The following ZYG11B variants were observed in gnomAD, a reference collection of about 807,000 sequenced individuals.
The protein encoded by ZYG11B is zyg-11 family member B, cell cycle regulator.
Under a neutral mutation model 82.4 loss-of-function variants are expected in ZYG11B, and 36 were observed. The observed-to-expected ratio is 0.44, with a 90% CI of 0.33 to 0.58. The LOEUF is 0.58. Ranked by LOEUF, ZYG11B falls within the 20% of genes least tolerant of loss-of-function variation. The pLI is 0.02. For missense variants in ZYG11B, 552 were observed against 895.6 expected (o/e 0.62, Z 4.90); for synonymous variants, 303 against 312.8 (o/e 0.97, Z 0.33).
intron 13 of ZYG11B, among the ~76,000 whole-genome samples, chr1:52,818,995 T>C (rs1350716941): frequency 1.3e-5 from 2 of 152,018 alleles, no homozygotes; most frequent in Non-Finnish European, 2.9e-5. Flanking sequence ...GGTTTCACAA[T>C]TTTGGCCAGA....
At chr1:52,819,796 AATAAT>A (rs1188814681) in intron 13 of ZYG11B, among the ~76,000 whole-genome samples, 2 of 125,162 alleles carry the variant, frequency 1.6e-5, no homozygotes, top group Non-Finnish European at 1.6e-5. Flanking sequence ...AAAAAAAAAT[AATAAT>A]AATAATAATA....
chr1:52,802,732 G>A (rs12088893), intron 10 of ZYG11B, among the ~76,000 whole-genome samples: 5,708 of 152,014 alleles, frequency 0.038, 338 homozygotes, highest in African/African-American at 0.13. Context: ...AGTTGCTGCT[G>A]TGATACTTGT....
chr1:52,806,355 A>G (rs528905149), intron 10 of ZYG11B, among the ~76,000 whole-genome samples: 1 of 152,326 alleles, frequency 6.6e-6, no homozygotes, highest in East Asian at 1.9e-4. Context: ...ATACTGTACA[A>G]TTCTACCACA....
chr1:52,767,978 A>G (rs766666037), intron 2 of ZYG11B, among the ~76,000 whole-genome samples: 2 of 152,168 alleles, frequency 1.3e-5, no homozygotes, highest in African/African-American at 2.4e-5. Context: ...CAGGAATGAA[A>G]GTCCTTGCTC....
chr1:52,807,055 G>A (rs368173232), intron 10 of ZYG11B, among the ~76,000 whole-genome samples: 2 of 152,146 alleles, frequency 1.3e-5, no homozygotes, highest in African/African-American at 4.8e-5. Context: ...TTTTAGTAGA[G>A]ATGGGGTTTT....
rs1163120789 is a variant in ZYG11B, at chr1:52,821,683, A to C, written c.*54A>C. ...CAGGAATCCTTTTTGTGATTGGTCC[A>C]TTTGGAATATCTTACCCTCCCTGAT... is the stretch of plus-strand genomic sequence containing the variant. On this transcript the variant is annotated 3_prime_UTR_variant, in exon 14 of 14. Coordinates refer to ENST00000294353, the MANE Select transcript of ZYG11B (RefSeq NM_024646.3). 54 of 1,515,938 alleles carry C rather than the reference A, an allele frequency of 3.6e-5. No homozygotes were observed. Among genetic ancestry groups the C allele is most frequent in the Non-Finnish European group, 4.5e-6 (5 of 1,115,888 alleles). The allele number at this position is 1,515,938 out of a possible 1,614,324, so 93.9% of individuals were successfully genotyped here.
chr1:52,802,031 T>C, intron 9 of ZYG11B, 51 bp downstream of exon 9: 2 of 1,582,888 alleles, frequency 1.3e-6, no homozygotes, highest in Non-Finnish European at 1.7e-6. Context: ...ATTTATTTAC[T>C]TTAGCATTTA....
intron 10 of ZYG11B, among the ~76,000 whole-genome samples, chr1:52,803,683 C>T (rs1014754889): frequency 6.6e-6 from 1 of 152,118 alleles, no homozygotes; most frequent in South Asian, 2.1e-4. Flanking sequence ...CTCACTGCAG[C>T]CTTGACCTGC....
chr1:52,784,907 A>G lies in ZYG11B; in HGVS notation c.1123A>G (p.Met375Val), dbSNP rs1644900619. The part of the protein sequence containing the change: ...LVVTGMRNHP[M>V]NLPVQLAASA... ...GGTTACTGGGATGAGAAACCACCCT[A>G]TGAATTTGCCAGTGCAACTGGCTGC... The change falls in exon 5 of 14, where the codon ATG (methionine) becomes GTG (valine). Residue 375 changes from methionine to valine, a missense_variant. Around this residue, in one of 3 missense-constraint regions of ZYG11B, gnomAD observed 359 missense variants for 555.8 expected, o/e 0.65. Transcript: ENST00000294353. The G allele has an allele frequency of 6.2e-7, 1 of 1,613,766 alleles. No homozygotes were observed. Among genetic ancestry groups the G allele is most frequent in the Non-Finnish European group, 8.5e-7 (1 of 1,179,936 alleles).
chr1:52,777,386 G>A (rs1052551166), intron 3 of ZYG11B, among the ~76,000 whole-genome samples: 1 of 152,066 alleles, frequency 6.6e-6, no homozygotes, highest in East Asian at 1.9e-4. Flanking sequence ...TGGTTGAAAT[G>A]TCAACCATGA....
intron 1 of ZYG11B, among the ~76,000 whole-genome samples, chr1:52,731,339 G>A (rs1382038602): frequency 6.6e-6 from 1 of 151,834 alleles, no homozygotes; most frequent in Non-Finnish European, 1.5e-5. Flanking sequence ...ATGACCTGTG[G>A]TGATACTCTC....
chr1:52,784,832 T>G (rs1237226732), intron 4 of ZYG11B, 45 bp from the exon 5 acceptor site: 3 of 1,577,684 alleles, frequency 1.9e-6, no homozygotes, highest in South Asian at 2.2e-5. Flanking sequence ...TGAAGAGGGC[T>G]TGTATTTATA....
rs1204039203 is a variant in ZYG11B at position 52,778,240 on chromosome 1, ATAATC to A, written c.952-1610_952-1606del. Reference sequence around the variant, plus strand: ...CTTTTCCTTATAATTTGTTTATTGAATAATCTATCGTTTGGATTTGTAGAGTTTCC... The same window carrying A: ...CTTTTCCTTATAATTTGTTTATTGAATATCGTTTGGATTTGTAGAGTTTCC... On this transcript the variant is annotated intron_variant, in intron 3 of 13. Transcript: ENST00000294353. Among the ~76,000 whole-genome samples the A allele has an allele frequency of 3.9e-5, 6 of 152,232 alleles. No homozygotes were observed. The East Asian group carries it at 1.2e-3, about 29-fold the overall frequency.
chr1:52,752,532 A>G (rs76381409), intron 1 of ZYG11B, among the ~76,000 whole-genome samples: 16,029 of 152,246 alleles, frequency 0.11, 1,878 homozygotes, highest in East Asian at 0.35. Flanking sequence ...AGTTAATGGC[A>G]AGTGAAGTGC....
intron 6 of ZYG11B, among the ~76,000 whole-genome samples, chr1:52,794,629 A>G (rs1175161823): frequency 6.6e-6 from 1 of 152,148 alleles, no homozygotes; most frequent in Non-Finnish European, 1.5e-5. Context: ...AGCTATACCT[A>G]AAGTACTAAG....
rs1438575752 is a variant in ZYG11B at position 52,771,320 on chromosome 1, C to G, written c.497C>G (p.Ala166Gly). ...TTCAGCCGGCTTTCTGGCCTTCGAG[C>G]TTTAAGCATCACGAATGTTCTCTTT... ...RCFSRLSGLR[A>G]LSITNVLFYN... is the part of the protein sequence containing the mutation. Residue 166 changes from alanine (A) to glycine (G), a missense_variant, in exon 3 of 14, where the codon GCT becomes GGT. Around this residue, in one of 3 missense-constraint regions of ZYG11B, gnomAD observed 359 missense variants for 555.8 expected, o/e 0.65. Transcript: ENST00000294353. This position sits in a 1 kb window ranked among gnomAD's most constrained non-coding sequence, Gnocchi z 5.4. 18 of 1,614,100 alleles carry G rather than the reference C, an allele frequency of 1.1e-5. No homozygotes were observed. The highest frequency in any genetic ancestry group is 1.5e-5 in the Non-Finnish European group (18 of 1,180,048).
At chr1:52,781,844 C>A (rs1644859217) in intron 4 of ZYG11B, among the ~76,000 whole-genome samples, 1 of 152,026 alleles carries the variant, frequency 6.6e-6, no homozygotes, top group African/African-American at 2.4e-5. Flanking sequence ...GAACCAGTAA[C>A]ATTTTAGTCC....
chr1:52,812,711 G>GGTTT (rs59906595), intron 10 of ZYG11B, among the ~76,000 whole-genome samples: 13,603 of 149,762 alleles, frequency 0.091, 1,374 homozygotes, highest in African/African-American at 0.25. Flanking sequence ...GGCTGTTTTG[G>GGTTT]GTTTGTTTGT....
intron 13 of ZYG11B, among the ~76,000 whole-genome samples, chr1:52,819,083 CTTGTA>C (rs932993644): frequency 1.3e-5 from 2 of 152,090 alleles, no homozygotes; most frequent in Non-Finnish European, 2.9e-5. Flanking sequence ...AGCTCCTTCT[CTTGTA>C]TTGTTTGATG....
Sources: allele counts gnomAD v4.1 joint callset (sites outside exome capture counted in the v4.1 genomes callset), GRCh38; gene constraint gnomAD v4.1.1; regional missense constraint gnomAD v4.1.1; non-coding constraint Gnocchi (gnomAD v3.1); transcripts MANE v1.5; gene names NCBI Gene and HGNC (gene_info 2026-07-23, HGNC 2026-07-21).